Variants in INHBB observed in about 807,000 individuals in gnomAD.
INHBB encodes the protein inhibin subunit beta B, also known as inhibin beta B chain.
In INHBB, 8 loss-of-function variants were observed where a neutral mutation model predicts 28.9. The ratio of observed to expected loss-of-function variants is 0.28; its 90% confidence interval spans 0.16 to 0.50. The LOEUF is 0.50. Among genes scored for constraint, INHBB ranks in the 20% least tolerant of loss-of-function variants. The pLI is 0.98. For missense variants in INHBB, 499 were observed against 597.8 expected (o/e 0.83, Z 1.72); for synonymous variants, 293 against 262.7 (o/e 1.12, Z -1.12).
chr2:120,347,455 A>C (rs1487975767), intron 1 of INHBB, among the ~76,000 whole-genome samples: 1 of 145,194 alleles, frequency 6.9e-6, no homozygotes, highest in Non-Finnish European at 1.5e-5. Flanking sequence ...AAAATCAGGG[A>C]GAGAAAAATC....
At chr2:120,347,895 A>G (rs974096992) in intron 1 of INHBB, among the ~76,000 whole-genome samples, 2 of 152,206 alleles carry the variant, frequency 1.3e-5, no homozygotes, top group African/African-American at 4.8e-5. Flanking sequence ...GCTCGGATTA[A>G]AAGGTGCTTT....
In INHBB at chr2:120,349,790, G is replaced by A. The variant is rs1468996997; in HGVS notation, c.1140G>A (p.Met380Ile). The A allele has an allele frequency of 1.9e-6, 3 of 1,613,220 alleles. No homozygotes were observed. The African/African-American group carries it at 4.0e-5, about 22-fold the overall frequency. The part of the protein sequence containing the change: ...SCCIPTKLST[M>I]SMLYFDDEYN... ...GCATTCCCACCAAGCTGAGCACCATGTCCATGCTGTACTTCGATGATGAGT... is the reference window on the plus strand; with the variant it reads ...GCATTCCCACCAAGCTGAGCACCATATCCATGCTGTACTTCGATGATGAGT... Residue 380 changes from methionine to isoleucine, a missense_variant, in exon 2 of 2, where the codon ATG (methionine) becomes ATA (isoleucine). By Grantham distance (10) the Met-to-Ile change is conservative (BLOSUM62 1). Around this residue, in one of 2 missense-constraint regions of INHBB, gnomAD observed 114 missense variants for 182.6 expected, o/e 0.62. Transcript: ENST00000295228. This position sits in a 1 kb window ranked among gnomAD's most constrained non-coding sequence, Gnocchi z 5.6.
At position 120,349,588 on chromosome 2, in the gene INHBB, G is replaced by A. The variant is rs1317023671; in HGVS notation, c.938G>A (p.Arg313His). Residue 313 changes from arginine to histidine, a missense_variant, in exon 2 of 2, where the codon CGC becomes CAC. By Grantham distance (29) the Arg-to-His change is conservative. Around this residue, in one of 2 missense-constraint regions of INHBB, gnomAD observed 114 missense variants for 182.6 expected, o/e 0.62. Transcript: ENST00000295228. The surrounding 1 kb of genome is among the most constrained non-coding windows in gnomAD (Gnocchi z 5.6). ...AGGCAACAGTTCTTCATTGACTTCC[G>A]CCTCATCGGCTGGAACGACTGGATC... ...CCRQQFFIDFRLIGWNDWIIA... is the reference protein window; with the variant it reads ...CCRQQFFIDFHLIGWNDWIIA... The A allele has an allele frequency of 5.6e-6, 9 of 1,613,966 alleles. No individual in the cohort carries two copies. The highest frequency in any genetic ancestry group is 4.0e-5 in the African/African-American group (3 of 74,916).
At chr2:120,346,871 C>G (rs1039328151) in intron 1 of INHBB, among the ~76,000 whole-genome samples, 40 of 152,368 alleles carry the variant, frequency 2.6e-4, no homozygotes, top group African/African-American at 9.4e-4. Context: ...GATCGCCTGG[C>G]CCTCCACCCC....
In INHBB at chr2:120,349,096, C is replaced by A; in HGVS notation, c.449-3C>A. The stretch of plus-strand genomic sequence containing the variant: ...CTTGGCTCGCCCTTCCCCTTTTCCG[C>A]AGATGGCCTCGCCTCCTCCCGGGTC... On this transcript the variant is annotated splice_region_variant and splice_polypyrimidine_tract_variant and intron_variant, in intron 1 of 1. Transcript: ENST00000295228. This position sits in a 1 kb window ranked among gnomAD's most constrained non-coding sequence, Gnocchi z 5.6. 6.3e-7 allele frequency: 1 copy of A among 1,592,610 alleles called. No individual in the cohort carries two copies. Among genetic ancestry groups the A allele is most frequent in the South Asian group, 1.1e-5 (1 of 88,532 alleles).
rs538714918 is a variant in INHBB at position 120,346,760 on chromosome 2, G to C, written c.448+124G>C. ...GCGCCCTGGGGCAGCCTGGACTCCC[G>C]GCAGAGCTCCTTCGGCCGTGGCCCT... On this transcript the variant is annotated intron_variant, in intron 1 of 1. Coordinates refer to ENST00000295228, the MANE Select transcript of INHBB (RefSeq NM_002193.4). 24 of 996,050 alleles carry C rather than the reference G, an allele frequency of 2.4e-5. No homozygotes were observed. The African/African-American group carries it at 2.7e-4, about 11-fold the overall frequency. 61.7% of individuals were successfully genotyped at this position (996,050 alleles called of 1,614,324 possible). A position where few individuals can be genotyped will look rare whatever the true frequency, so the allele number is the denominator to read the frequency against.
At position 120,346,607 on chromosome 2, in the gene INHBB, T is replaced by C; in HGVS notation, c.419T>C (p.Val140Ala). ...ASPGADGQER[V>A]SEIISFAETD... Reference sequence around the variant, plus strand: ...CCGGGCGCCGACGGCCAGGAGCGCGTTTCCGAAATCATCAGCTTCGCCGAG... The same window carrying C: ...CCGGGCGCCGACGGCCAGGAGCGCGCTTCCGAAATCATCAGCTTCGCCGAG... Residue 140 changes from valine (V) to alanine (A), a missense_variant, in exon 1 of 2, where the codon GTT (valine) becomes GCT (alanine). This residue lies in a region of INHBB where 385 missense variants were observed against 415.2 expected (regional missense o/e 0.93). Transcript: ENST00000295228. The C allele has an allele frequency of 6.9e-7, 1 of 1,452,588 alleles. No homozygotes were observed. Among genetic ancestry groups the C allele is most frequent in the Non-Finnish European group, 9.0e-7 (1 of 1,109,292 alleles). The allele number at this position is 1,452,588 out of a possible 1,614,324, so 90.0% of individuals were successfully genotyped here. A position where few individuals can be genotyped will look rare whatever the true frequency, so the allele number is the denominator to read the frequency against.
rs1691246485 is a variant in INHBB, at chr2:120,350,845, C to T, written c.*971C>T. ...GGTTTGGGGACGGGTGGGAATGACC[C>T]CTAGGCAAGGGGATGAGACCGCAGG... On this transcript the variant is annotated 3_prime_UTR_variant, in exon 2 of 2. Coordinates refer to ENST00000295228, the MANE Select transcript of INHBB (RefSeq NM_002193.4). The T allele has an allele frequency of 6.6e-6, 1 of 152,476 alleles. No individual in the cohort carries two copies. 9.4% of individuals were successfully genotyped at this position (152,476 alleles called of 1,614,324 possible). A position where few individuals can be genotyped will look rare whatever the true frequency, so the allele number is the denominator to read the frequency against.
intron 1 of INHBB, 89 bp downstream of exon 1, chr2:120,346,725 C>G (rs982501493): frequency 8.6e-6 from 11 of 1,272,788 alleles, no homozygotes; most frequent in South Asian, 1.9e-5. Context: ...CCGCCGCCAC[C>G]GCAGCCCGCG....
rs770832312 is a variant in INHBB, at chr2:120,351,616, G to C, written c.*1742G>C. 6.6e-6 allele frequency: 1 copy of C among 152,182 alleles called. No individual in the cohort carries two copies. The allele number at this position is 152,182 out of a possible 1,614,324, so 9.4% of individuals were successfully genotyped here. Reference sequence around the variant, plus strand: ...TTTTCCATCCTTACACACCCAGAAGGTAGAGTAAAAATGACTATGATAGAA... The same window carrying C: ...TTTTCCATCCTTACACACCCAGAAGCTAGAGTAAAAATGACTATGATAGAA... On this transcript the variant is annotated 3_prime_UTR_variant, in exon 2 of 2. Transcript: ENST00000295228.
In INHBB at chr2:120,349,436, G is replaced by A. The variant is rs113339001; in HGVS notation, c.786G>A (p.Pro262=). The A allele has an allele frequency of 5.0e-5, 81 of 1,613,736 alleles. 1 individual carries two copies. Among genetic ancestry groups the A allele is most frequent in the African/African-American group, 4.4e-4 (33 of 75,044 alleles). The change falls in exon 2 of 2, where the codon CCG becomes CCA. Residue 262 remains proline (P), a synonymous_variant. Coordinates refer to ENST00000295228, the MANE Select transcript of INHBB (RefSeq NM_002193.4). This position sits in a 1 kb window ranked among gnomAD's most constrained non-coding sequence, Gnocchi z 5.6. ...CDSCQELAVV[P]VFVDPGEESH... is the part of the protein sequence containing the mutation. ...GCTGCCAGGAGCTGGCCGTGGTGCC[G>A]GTGTTCGTGGACCCAGGCGAAGAGT... is the stretch of plus-strand genomic sequence containing the variant.
chr2:120,346,410 C>A lies in INHBB; in HGVS notation c.222C>A (p.Phe74Leu). 1 of 1,546,206 alleles carries A rather than the reference C, an allele frequency of 6.5e-7. No homozygotes were observed. Among genetic ancestry groups the A allele is most frequent in the Non-Finnish European group, 8.7e-7 (1 of 1,153,286 alleles). ...PEELGRVDGD[F>L]LEAVKRHILS... ...AGCTCGGCCGAGTGGACGGCGACTT[C>A]CTGGAGGCGGTGAAGCGGCACATCT... Residue 74 changes from phenylalanine (F) to leucine (L), a missense_variant, in exon 1 of 2, where the codon TTC becomes TTA. Phe to Leu is a conservative substitution (Grantham distance 22). Transcript: ENST00000295228.
rs774890593 is a variant in INHBB at position 120,349,442 on chromosome 2, C to G, written c.792C>G (p.Phe264Leu). The stretch of plus-strand genomic sequence containing the variant: ...AGGAGCTGGCCGTGGTGCCGGTGTT[C>G]GTGGACCCAGGCGAAGAGTCGCACC... ...SCQELAVVPV[F>L]VDPGEESHRP... Residue 264 changes from phenylalanine (F) to leucine (L), a missense_variant, in exon 2 of 2, where the codon TTC becomes TTG. Physicochemically the swap from Phe to Leu is conservative, Grantham distance 22 (BLOSUM62 0). Coordinates refer to ENST00000295228, the MANE Select transcript of INHBB (RefSeq NM_002193.4). The surrounding 1 kb of genome is among the most constrained non-coding windows in gnomAD (Gnocchi z 5.6). The G allele has an allele frequency of 2.2e-5, 35 of 1,613,654 alleles. No individual in the cohort carries two copies. The highest frequency in any genetic ancestry group is 2.8e-5 in the Non-Finnish European group (33 of 1,180,036).
intron 1 of INHBB, among the ~76,000 whole-genome samples, chr2:120,346,963 CTTGCTTGGTGA>C (rs1691166994): frequency 6.6e-6 from 1 of 152,260 alleles, no homozygotes; most frequent in Non-Finnish European, 1.5e-5. Context: ...TCTGCGGGCA[CTTGCTTGGTGA>C]TTGCTTAATG....
rs1309341791 is a variant in INHBB, at chr2:120,346,338, C to T, written c.150C>T (p.Gly50=). The T allele has an allele frequency of 7.2e-7, 1 of 1,394,388 alleles. No individual in the cohort carries two copies. Among genetic ancestry groups the T allele is most frequent in the South Asian group, 1.6e-5 (1 of 62,020 alleles). The allele number at this position is 1,394,388 out of a possible 1,614,324, so 86.4% of individuals were successfully genotyped here. A position where few individuals can be genotyped will look rare whatever the true frequency, so the allele number is the denominator to read the frequency against. ...CCCCGCCACCCGGATCCCCGGGTGG[C>T]TCGCAGGACACCTGTACGTCGTGCG... is the stretch of plus-strand genomic sequence containing the variant. ...PPPPPPGSPG[G]SQDTCTSCGG... is the part of the protein sequence containing the mutation. The change falls in exon 1 of 2, where the codon GGC becomes GGT. Residue 50 remains glycine, a synonymous_variant. Coordinates refer to ENST00000295228, the MANE Select transcript of INHBB (RefSeq NM_002193.4).
chr2:120,350,797 A>G lies in INHBB; in HGVS notation c.*923A>G, dbSNP rs1691245744. 6.6e-6 allele frequency: 1 copy of G among 152,364 alleles called. No homozygotes were observed. The highest frequency in any genetic ancestry group is 2.4e-5 in the African/African-American group (1 of 41,464). The allele number at this position is 152,364 out of a possible 1,614,324, so 9.4% of individuals were successfully genotyped here. On this transcript the variant is annotated 3_prime_UTR_variant, in exon 2 of 2. Transcript: ENST00000295228. ...AAAAAAGTTGCAATCTGTGCCCTTC[A>G]TTGGGGACATTCCTCTAGGACTGGT...
In INHBB at chr2:120,349,740, A is replaced by G; in HGVS notation, c.1090A>G (p.Asn364Asp). 6.2e-7 allele frequency: 1 copy of G among 1,613,698 alleles called. No homozygotes were observed. Residue 364 changes from asparagine (N) to aspartate (D), a missense_variant, in exon 2 of 2, where the codon AAC becomes GAC. This residue lies in a region of INHBB where 114 missense variants were observed against 182.6 expected (regional missense o/e 0.62). Transcript: ENST00000295228. This position sits in a 1 kb window ranked among gnomAD's most constrained non-coding sequence, Gnocchi z 5.6. ...VVNQYRMRGL[N>D]PGTVNSCCIP... ...GAACCAGTACCGCATGCGGGGTCTG[A>G]ACCCCGGCACGGTGAACTCCTGCTG...
chr2:120,346,960 G>A (rs558552273), intron 1 of INHBB, among the ~76,000 whole-genome samples: 1 of 152,398 alleles, frequency 6.6e-6, no homozygotes, highest in South Asian at 2.1e-4. Context: ...GGCTCTGCGG[G>A]CACTTGCTTG....
intron 1 of INHBB, among the ~76,000 whole-genome samples, chr2:120,347,074 A>T (rs993004354): frequency 2.0e-5 from 3 of 151,716 alleles, no homozygotes; most frequent in Admixed American, 6.6e-5. Flanking sequence ...GGAGAGAGAG[A>T]GTGTGTGTGT....
Sources: gnomAD v4.1 joint callset for allele counts (sites outside exome capture counted in the v4.1 genomes callset) on GRCh38, gnomAD v4.1.1 for gene constraint, gnomAD v4.1.1 regional missense constraint, Gnocchi (gnomAD v3.1) non-coding constraint, MANE v1.5 for transcripts, NCBI Gene and HGNC (gene_info 2026-07-23, HGNC 2026-07-21) for gene names.